Variants in KRT8 observed in about 807,000 individuals in gnomAD.
KRT8 encodes keratin, type II cytoskeletal 8.
Under a neutral mutation model 43.0 loss-of-function variants are expected in KRT8, and 24 were observed. That is an observed-to-expected ratio of 0.56 (90% confidence interval 0.40 to 0.78). KRT8 has a LOEUF of 0.78. Among genes scored for constraint, KRT8 ranks in the 30% least tolerant of loss-of-function variants. KRT8 has a pLI of 0.00. For missense variants in KRT8, 492 were observed against 638.4 expected (o/e 0.77, Z 2.47); for synonymous variants, 214 against 261.2 (o/e 0.82, Z 1.74).
intron 2 of KRT8, chr12:52,948,820 C>T (rs898818722): frequency 7.3e-6 from 3 of 410,580 alleles, no homozygotes; most frequent in Admixed American, 8.8e-5. Flanking sequence ...TCGCCAGCAC[C>T]TCCTCCACCT....
intron 5 of KRT8, 97 bp from the exon 6 acceptor site, chr12:52,898,996 G>T: frequency 9.7e-7 from 1 of 1,029,684 alleles, no homozygotes; most frequent in Non-Finnish European, 1.5e-6. Context: ...CCACCACCTA[G>T]GCTGACTCCC....
At chr12:52,898,976 G>T (rs1941292869) in intron 5 of KRT8, 77 bp from the exon 6 acceptor site, 4 of 1,317,204 alleles carry the variant, frequency 3.0e-6, no homozygotes, top group African/African-American at 2.9e-5. Flanking sequence ...CTCCCTCAGG[G>T]TCCTCCCCAC....
chr12:52,935,798 G>A (rs992319417), intron 2 of KRT8, among the ~76,000 whole-genome samples: 4 of 151,870 alleles, frequency 2.6e-5, no homozygotes, highest in South Asian at 2.1e-4. Flanking sequence ...GTGAACCACC[G>A]TGCCCAGCCC....
At chr12:52,899,271 C>T (rs1941301719) in intron 5 of KRT8, among the ~76,000 whole-genome samples, 1 of 152,106 alleles carries the variant, frequency 6.6e-6, no homozygotes, top group Non-Finnish European at 1.5e-5. Context: ...GCCGAGATCA[C>T]GCCACTGCAC....
chr12:52,936,507 T>C (rs779513456), intron 2 of KRT8, among the ~76,000 whole-genome samples: 1 of 152,044 alleles, frequency 6.6e-6, no homozygotes, highest in Admixed American at 6.6e-5. Flanking sequence ...ATTTCTTCTG[T>C]TGTTTTTGTT....
chr12:52,902,848 C>CA, intron 1 of KRT8, among the ~76,000 whole-genome samples: 1 of 151,952 alleles, frequency 6.6e-6, no homozygotes, highest in Non-Finnish European at 1.5e-5. Context: ...CCTGTCCCTA[C>CA]AAATAATACA....
intron 2 of KRT8, among the ~76,000 whole-genome samples, chr12:52,938,170 A>ATATATTTTTTTTT (rs1555189967): frequency 3.3e-5 from 1 of 30,312 alleles, no homozygotes; most frequent in African/African-American, 1.4e-4. Flanking sequence ...ATATATATAT[A>ATATATTTTTTTTT]TTTTTTTTTT....
intron 2 of KRT8, among the ~76,000 whole-genome samples, chr12:52,937,714 C>G (rs1044518402): frequency 1.4e-5 from 2 of 142,916 alleles, no homozygotes; most frequent in African/African-American, 5.2e-5. Flanking sequence ...AAGAAGAAAA[C>G]AGGCCGGGCA....
chr12:52,946,267 GT>G (rs1222877646), intron 2 of KRT8, among the ~76,000 whole-genome samples: 1 of 152,128 alleles, frequency 6.6e-6, no homozygotes, highest in African/African-American at 2.4e-5. Context: ...GTGCCCCAGG[GT>G]TTTTAAATGA....
intron 7 of KRT8, 71 bp downstream of exon 7, chr12:52,898,389 GC>G: frequency 3.0e-6 from 4 of 1,321,740 alleles, no homozygotes; most frequent in Non-Finnish European, 4.3e-6. Flanking sequence ...ACTGAGCACA[GC>G]CCCCTCCCTG....
intron 1 of KRT8, chr12:52,949,685 C>T (rs1942440796): frequency 2.7e-6 from 3 of 1,112,314 alleles, no homozygotes; most frequent in Admixed American, 3.8e-5. Flanking sequence ...CCACCCAACC[C>T]CTACTCCACC....
At chr12:52,907,284 C>A (rs1941541080), upstream of KRT8, among the ~76,000 whole-genome samples, 1 of 152,096 alleles carries the variant, frequency 6.6e-6, no homozygotes, top group African/African-American at 2.4e-5. Context: ...AACAGAAGAC[C>A]AAAGGGAGAA....
chr12:52,931,302 C>T (rs758872746), intron 2 of KRT8, among the ~76,000 whole-genome samples: 10 of 151,694 alleles, frequency 6.6e-5, no homozygotes, highest in Non-Finnish European at 1.5e-4. Flanking sequence ...CTCCTGACCT[C>T]GTGATCCTCC....
intron 2 of KRT8, among the ~76,000 whole-genome samples, chr12:52,937,142 G>T (rs527331625): frequency 5.3e-5 from 8 of 151,820 alleles, no homozygotes; most frequent in Admixed American, 3.9e-4. Context: ...AGGCTGAGGC[G>T]GGTGGACTGC....
At position 52,899,871 on chromosome 12, in the gene KRT8, C is replaced by G; in HGVS notation, c.885G>C (p.Lys295Asn). Residue 295 changes from lysine (K) to asparagine (N), a missense_variant, in exon 5 of 8, where the codon AAG (lysine) becomes AAC (asparagine). This residue lies in a region of KRT8 where 389 missense variants were observed against 485.7 expected (regional missense o/e 0.80). Coordinates refer to ENST00000692008, the Ensembl canonical transcript of KRT8. ...TTGTGCGCCGCAGGTCATCCCCGTG[C>G]TTCCCAGCCAGGCTCTGCAGCTCCT... The G allele has an allele frequency of 2.5e-6, 4 of 1,612,550 alleles. No individual in the cohort carries two copies. The East Asian group carries it at 6.7e-5, about 27-fold the overall frequency.
Position 52,900,079 on chromosome 12 carries a change from G to C in KRT8, c.691-14C>G. ...CTCCCGGATCTCCTGTGGGGGAAGA[G>C]GGCAAGTGGTGAGGCCCTGTCTCTG... is the stretch of plus-strand genomic sequence containing the variant. On this transcript the variant is annotated splice_polypyrimidine_tract_variant and intron_variant, in intron 4 of 7. Coordinates refer to ENST00000692008, the Ensembl canonical transcript of KRT8. 1.2e-6 allele frequency: 2 copies of C among 1,611,976 alleles called. No homozygotes were observed. Among genetic ancestry groups the C allele is most frequent in the Non-Finnish European group, 1.7e-6 (2 of 1,179,978 alleles).
At chr12:52,924,405 C>A (rs972001340) in intron 2 of KRT8, among the ~76,000 whole-genome samples, 1 of 150,632 alleles carries the variant, frequency 6.6e-6, no homozygotes, top group South Asian at 2.1e-4. Context: ...GCTGAGATTG[C>A]GCCACTGCAC....
chr12:52,899,011 G>A, intron 5 of KRT8, 112 bp from the exon 6 acceptor site: 1 of 931,418 alleles, frequency 1.1e-6, no homozygotes, highest in Non-Finnish European at 1.7e-6. Flanking sequence ...ACTCCCCCCA[G>A]CTCAAATTAA....
intron 1 of KRT8, among the ~76,000 whole-genome samples, chr12:52,903,005 CTG>C (rs1336150847): frequency 1.3e-5 from 2 of 152,110 alleles, no homozygotes; most frequent in African/African-American, 4.8e-5. Context: ...GAGTGAGACT[CTG>C]TCTCAAACAA....
Sources: gnomAD v4.1 joint callset for allele counts (sites outside exome capture counted in the v4.1 genomes callset) on GRCh38, gnomAD v4.1.1 for gene constraint, gnomAD v4.1.1 regional missense constraint, MANE v1.5 for transcripts, NCBI Gene and HGNC (gene_info 2026-07-23, HGNC 2026-07-21) for gene names.